The following TRPC1 variants were observed in gnomAD, a reference collection of about 807,000 sequenced individuals.
TRPC1 encodes the protein short transient receptor potential channel 1.
TRPC1 carries 42 observed loss-of-function variants against 88.2 expected under a neutral mutation model. The observed-to-expected ratio is 0.48, with a 90% CI of 0.37 to 0.62. The LOEUF (loss-of-function observed/expected upper bound fraction) is 0.62. Among genes scored for constraint, TRPC1 ranks in the 20% least tolerant of loss-of-function variants. The pLI is 0.00. For synonymous variants in TRPC1, 288 were observed against 331.8 expected (o/e 0.87, Z 1.43); for missense variants, 699 against 957.3 (o/e 0.73, Z 3.56).
chr3:142,780,260 T>C (rs1373789310), intron 5 of TRPC1, among the ~76,000 whole-genome samples: 1 of 152,240 alleles, frequency 6.6e-6, no homozygotes, highest in Non-Finnish European at 1.5e-5. Context: ...GAATAGGGAT[T>C]CTGAAAGAGA....
intron 6 of TRPC1, among the ~76,000 whole-genome samples, 200 bp from the exon 7 acceptor site, chr3:142,784,504 T>C (rs988841112): frequency 2.0e-5 from 3 of 152,182 alleles, no homozygotes; most frequent in Admixed American, 6.5e-5. Flanking sequence ...GATTTGAATC[T>C]AGGTAATCTG....
chr3:142,787,797 A>G (rs980220573), intron 7 of TRPC1, among the ~76,000 whole-genome samples: 3 of 152,236 alleles, frequency 2.0e-5, no homozygotes, highest in African/African-American at 7.2e-5. Flanking sequence ...TAAGCATATT[A>G]TAGGGGCATT....
chr3:142,732,310 A>G (rs978610688), intron 1 of TRPC1, among the ~76,000 whole-genome samples: 4 of 152,104 alleles, frequency 2.6e-5, no homozygotes, highest in Non-Finnish European at 5.9e-5. Context: ...TGTTGGCTGG[A>G]ACAAAAGTAA....
intron 2 of TRPC1, among the ~76,000 whole-genome samples, chr3:142,737,858 C>T (rs192391363): frequency 2.0e-5 from 3 of 151,892 alleles, no homozygotes; most frequent in South Asian, 2.1e-4. Flanking sequence ...TGTGTATGTG[C>T]GTTTGTGTGT....
intron 1 of TRPC1, among the ~76,000 whole-genome samples, chr3:142,725,997 C>T (rs1933656924): frequency 6.6e-6 from 1 of 152,068 alleles, no homozygotes. Flanking sequence ...ACACCATGGA[C>T]ACAACTTTGA....
intron 4 of TRPC1, among the ~76,000 whole-genome samples, chr3:142,763,983 T>TATATATATATATATATATATAC (rs1441314374): frequency 7.3e-4 from 54 of 74,300 alleles, no homozygotes; most frequent in South Asian, 3.8e-3. Context: ...TATATATATA[T>TATATATATATATATATATATAC]ACACATACAT....
chr3:142,743,118 T>TTATAGA (rs1188198159), intron 2 of TRPC1, among the ~76,000 whole-genome samples: 16 of 152,136 alleles, frequency 1.1e-4, no homozygotes, highest in Non-Finnish European at 2.2e-4. Context: ...ACAGTTTCTT[T>TTATAGA]TATAGATTTG....
chr3:142,778,157 G>A (rs527236934), intron 5 of TRPC1, among the ~76,000 whole-genome samples: 1 of 152,242 alleles, frequency 6.6e-6, no homozygotes, highest in East Asian at 1.9e-4. Context: ...TGATCCTTCA[G>A]ATCTTTCAAA....
At position 142,792,997 on chromosome 3, in the gene TRPC1, T is replaced by C; in HGVS notation, c.1581+30T>C. The stretch of plus-strand genomic sequence containing the variant: ...ATAATTAAAATTTCTTAAAGAACAT[T>C]TTTTAGATGTCATTATTGTTACATC... On this transcript the variant is annotated intron_variant, in intron 9 of 12. Transcript: ENST00000476941. The surrounding 1 kb of genome is among the most constrained non-coding windows in gnomAD (Gnocchi z 4.0). 4 of 1,537,834 alleles carry C rather than the reference T, an allele frequency of 2.6e-6. No individual in the cohort carries two copies. Among genetic ancestry groups the C allele is most frequent in the Non-Finnish European group, 3.5e-6 (4 of 1,137,014 alleles).
chr3:142,748,179 T>C (rs113733932), intron 3 of TRPC1, 79 bp from the exon 4 acceptor site: 1 of 1,282,852 alleles, frequency 7.8e-7, no homozygotes, highest in Non-Finnish European at 1.1e-6. Context: ...CTTCCTATTT[T>C]TTCATTTCAT....
intron 4 of TRPC1, among the ~76,000 whole-genome samples, chr3:142,766,690 A>G (rs1935402414): frequency 1.3e-5 from 2 of 151,878 alleles, no homozygotes; most frequent in Non-Finnish European, 2.9e-5. Context: ...CCCAGCCTAC[A>G]TTTTCCCCCA....
At chr3:142,785,818 C>T (rs1936117419) in intron 7 of TRPC1, among the ~76,000 whole-genome samples, 1 of 152,100 alleles carries the variant, frequency 6.6e-6, no homozygotes, top group African/African-American at 2.4e-5. Context: ...TGAACTTTTG[C>T]AGATATATCT....
rs1560109269 is a variant in TRPC1 at position 142,775,213 on chromosome 3, CTAAG to C, written c.633-2414_633-2411del. The stretch of plus-strand genomic sequence containing the variant: ...GCATTATATGGGATTACTTTTGTAT[CTAAG>C]TAAGACATTAAACCTATAAGCTAAA... On this transcript the variant is annotated intron_variant, in intron 4 of 12. Transcript: ENST00000476941. Among the ~76,000 whole-genome samples, 7 of 152,122 alleles carry C rather than the reference CTAAG, an allele frequency of 4.6e-5. No homozygotes were observed. The South Asian group carries it at 1.2e-3, about 27-fold the overall frequency.
chr3:142,794,601 T>C (rs767429775), intron 9 of TRPC1, among the ~76,000 whole-genome samples: 4 of 152,142 alleles, frequency 2.6e-5, no homozygotes, highest in Non-Finnish European at 5.9e-5. Context: ...AGTGGGTCAG[T>C]GCAGTCAGAG....
In TRPC1 at chr3:142,776,985, A is replaced by AT. The variant is rs1935797115; in HGVS notation, c.633-647_633-646insT. Among the ~76,000 whole-genome samples the AT allele has an allele frequency of 1.3e-5, 2 of 151,722 alleles. No individual in the cohort carries two copies. The highest frequency in any genetic ancestry group is 2.9e-5 in the Non-Finnish European group (2 of 67,940). ...GTCATCAAATCCACATCATATTAAAAATTTATGTTATTAGCATATTTTATT... is the reference window on the plus strand; with the variant it reads ...GTCATCAAATCCACATCATATTAAAATATTTATGTTATTAGCATATTTTATT... On this transcript the variant is annotated intron_variant, in intron 4 of 12. Transcript: ENST00000476941. The surrounding 1 kb of genome is among the most constrained non-coding windows in gnomAD (Gnocchi z 4.1).
intron 9 of TRPC1, among the ~76,000 whole-genome samples, chr3:142,799,199 G>C (rs190699460): frequency 4.0e-4 from 60 of 150,880 alleles, no homozygotes; most frequent in African/African-American, 1.2e-3. Flanking sequence ...TTTTTCCTCT[G>C]TGTGTACTAG....
intron 6 of TRPC1, among the ~76,000 whole-genome samples, chr3:142,782,162 T>C (rs1261206690): frequency 6.6e-6 from 1 of 152,158 alleles, no homozygotes; most frequent in African/African-American, 2.4e-5. Context: ...ACTAAAATTA[T>C]CCTGTTTAGG....
intron 4 of TRPC1, among the ~76,000 whole-genome samples, chr3:142,756,926 C>T (rs1032947885): frequency 3.9e-5 from 6 of 152,114 alleles, no homozygotes; most frequent in African/African-American, 1.4e-4. Context: ...CACCAGTCTA[C>T]TCTCTATCTT....
chr3:142,741,738 A>G (rs1934357514), intron 2 of TRPC1, among the ~76,000 whole-genome samples: 1 of 152,248 alleles, frequency 6.6e-6, no homozygotes, highest in Non-Finnish European at 1.5e-5. Context: ...AATAATACCC[A>G]TGGAGTTTCT....
Sources: allele counts gnomAD v4.1 joint callset (sites outside exome capture counted in the v4.1 genomes callset), GRCh38; gene constraint gnomAD v4.1.1; non-coding constraint Gnocchi (gnomAD v3.1); transcripts MANE v1.5; gene names NCBI Gene and HGNC (gene_info 2026-07-23, HGNC 2026-07-21).